Variants in NSUN2 observed in about 807,000 individuals in gnomAD.
The protein encoded by NSUN2 is NOP2/Sun RNA methyltransferase 2, also known as RNA cytosine C(5)-methyltransferase NSUN2.
In NSUN2, 63 loss-of-function variants were observed where a neutral mutation model predicts 92.7. That is an observed-to-expected ratio of 0.68 (90% CI 0.56 to 0.84). NSUN2 has a LOEUF of 0.84. NSUN2 is among the 40% of genes least tolerant of loss of function. The pLI is 0.00. For synonymous variants in NSUN2, 356 were observed against 348.3 expected, an observed-to-expected ratio of 1.02 and a Z score of -0.25; for missense variants, 989 against 964.9, an observed-to-expected ratio of 1.02 and a Z score of -0.33.
chr5:6,625,532 G>T, intron 4 of NSUN2, 32 bp downstream of exon 4: 1 of 1,522,222 alleles, frequency 6.6e-7, no homozygotes, highest in Non-Finnish European at 9.1e-7. Context: ...ACAGCTTTAA[G>T]GAAACTAGCA....
chr5:6,609,326 A>G (rs1736898776), intron 12 of NSUN2, among the ~76,000 whole-genome samples: 1 of 152,182 alleles, frequency 6.6e-6, no homozygotes, highest in African/African-American at 2.4e-5. Flanking sequence ...CTGCCTTGGA[A>G]AGGAACCAGC....
chr5:6,632,122 C>CAT (rs1208479563), intron 2 of NSUN2, 145 bp from the exon 3 acceptor site: 1 of 648,940 alleles, frequency 1.5e-6, no homozygotes, highest in African/African-American at 1.8e-5. Flanking sequence ...TACTTTTACA[C>CAT]TGTATGCCTT....
At chr5:6,621,166 G>A (rs547267309) in intron 6 of NSUN2, 9 of 152,194 alleles carry the variant, frequency 5.9e-5, no homozygotes, top group South Asian at 2.1e-4. Context: ...AGAAAGGGGC[G>A]TGGTGTCACT....
intron 18 of NSUN2, 146 bp from the exon 19 acceptor site, chr5:6,600,378 T>TA: frequency 1.4e-6 from 1 of 721,454 alleles, no homozygotes; most frequent in Non-Finnish European, 2.2e-6. Flanking sequence ...ACATTTCATC[T>TA]GGATCCGAGG....
chr5:6,622,793 G>C (rs1435949814), intron 5 of NSUN2, among the ~76,000 whole-genome samples: 2 of 148,534 alleles, frequency 1.3e-5, no homozygotes, highest in Non-Finnish European at 3.0e-5. Context: ...GTTGCAGTGA[G>C]CCAAGATCGC....
In NSUN2 at chr5:6,631,898, C is replaced by G; in HGVS notation, c.334G>C (p.Val112Leu). ...CAACTCAGTGGCTGTGGAACTTCAACTTTCTGACCGTCCACCTCCAGGTCC... is the reference window on the plus strand; with the variant it reads ...CAACTCAGTGGCTGTGGAACTTCAAGTTTCTGACCGTCCACCTCCAGGTCC... ...LEDLEVDGQKVEVPQPLSWYP... is the reference protein window; with the variant it reads ...LEDLEVDGQKLEVPQPLSWYP... The change falls in exon 3 of 19, where the codon GTT becomes CTT. Residue 112 changes from valine to leucine, a missense_variant. Transcript: ENST00000264670. 1.2e-6 allele frequency: 2 copies of G among 1,614,004 alleles called. No homozygotes were observed. The highest frequency in any genetic ancestry group is 1.7e-6 in the Non-Finnish European group (2 of 1,179,868).
intron 18 of NSUN2, among the ~76,000 whole-genome samples, chr5:6,601,850 T>C (rs1013473730): frequency 2.0e-5 from 3 of 152,092 alleles, no homozygotes; most frequent in African/African-American, 7.2e-5. Context: ...GCAGGTGAGA[T>C]CCGAATTCTG....
intron 17 of NSUN2, among the ~76,000 whole-genome samples, chr5:6,603,702 G>GA (rs978101547): frequency 1.6e-4 from 25 of 151,922 alleles, no homozygotes; most frequent in African/African-American, 5.8e-4. Flanking sequence ...AACAAAAAAA[G>GA]AAAAAAACAA....
At position 6,615,510 on chromosome 5, in the gene NSUN2, T is replaced by C. The variant is rs147550818; in HGVS notation, c.1021+1217A>G. 1.9e-3 allele frequency among the ~76,000 whole-genome samples: 284 copies of C among 152,356 alleles called. 1 individual carries two copies. Among genetic ancestry groups the C allele is most frequent in the African/African-American group, 6.4e-3 (267 of 41,574 alleles). On this transcript the variant is annotated intron_variant, in intron 9 of 18. Transcript: ENST00000264670. The stretch of plus-strand genomic sequence containing the variant: ...AGTATCACCAACACCATGGCAATTA[T>C]GACCATGCAAGAAAACATCACCCAG...
chr5:6,630,812 T>G (rs910841822), intron 3 of NSUN2, among the ~76,000 whole-genome samples: 1 of 152,150 alleles, frequency 6.6e-6, no homozygotes, highest in African/African-American at 2.4e-5. Context: ...ACGCTTAATT[T>G]GGCAGGGCGC....
intron 14 of NSUN2, among the ~76,000 whole-genome samples, chr5:6,606,507 A>G (rs536527133): frequency 1.3e-4 from 20 of 151,978 alleles, no homozygotes; most frequent in Non-Finnish European, 2.4e-4. Context: ...GGATGGTCTC[A>G]ATCTCCTGAC....
intron 1 of NSUN2, 23 bp from the exon 2 acceptor site, chr5:6,632,779 A>AC (rs1737986468): frequency 1.2e-6 from 2 of 1,608,120 alleles, no homozygotes; most frequent in Admixed American, 3.4e-5. Flanking sequence ...AGAGACGTCT[A>AC]CCCCGAGGCC....
Position 6,603,110 on chromosome 5 carries a change from G to C in NSUN2, c.1958-610C>G, listed in dbSNP as rs145859367. Among the ~76,000 whole-genome samples, 1,414 of 152,242 alleles carry C rather than the reference G, an allele frequency of 9.3e-3. 19 individuals are homozygous for C. The highest frequency in any genetic ancestry group is 0.032 in the African/African-American group (1,331 of 41,534). ...TGATTCACGTACTTTTGATCAAATT[G>C]AGCCAAAAATATTAAACAGCAAGTT... On this transcript the variant is annotated intron_variant, in intron 17 of 18. Transcript: ENST00000264670.
In NSUN2 at chr5:6,602,454, G is replaced by A. The variant is rs1736596841; in HGVS notation, c.1997+7C>T. 14 of 1,613,470 alleles carry A rather than the reference G, an allele frequency of 8.7e-6. No individual in the cohort carries two copies. Among genetic ancestry groups the A allele is most frequent in the Non-Finnish European group, 1.2e-5 (14 of 1,179,746 alleles). On this transcript the variant is annotated splice_region_variant and intron_variant, in intron 18 of 18. Transcript: ENST00000264670. ...TGTGTCTAAGGGCAGGGCGTGTACT[G>A]ACTTACGCAGAATCTGGTTCATACT...
At chr5:6,612,486 T>A (rs950121758) in intron 9 of NSUN2, among the ~76,000 whole-genome samples, 1 of 152,074 alleles carries the variant, frequency 6.6e-6, no homozygotes, top group Admixed American at 6.6e-5. Context: ...TCCATACCAG[T>A]GACACAATAA....
Position 6,632,940 on chromosome 5 carries a change from G to A in NSUN2, c.40C>T (p.Gln14Ter). The change falls in exon 1 of 19, where the codon CAG (glutamine) becomes TAG (stop). Residue 14 changes from glutamine to a stop codon, truncating the protein, a stop_gained. Transcript: ENST00000264670. LOFTEE classifies it high-confidence loss of function. The stretch of plus-strand genomic sequence containing the variant: ...CCATCCTCCGCGTCCTCCGGCCGCT[G>A]CTGTTGCTGGAGCCGCCGACCCCGC... ...RSRGRRLQQQQRPEDAEDGAE... is the reference protein window; with the variant it reads ...RSRGRRLQQQ 1 of 1,507,502 alleles carries A rather than the reference G, an allele frequency of 6.6e-7. No homozygotes were observed. Among genetic ancestry groups the A allele is most frequent in the African/African-American group, 1.4e-5 (1 of 69,706 alleles). The allele number at this position is 1,507,502 out of a possible 1,614,324, so 93.4% of individuals were successfully genotyped here.
chr5:6,623,430 C>G, intron 4 of NSUN2, 145 bp from the exon 5 acceptor site: 1 of 652,700 alleles, frequency 1.5e-6, no homozygotes, highest in East Asian at 2.8e-5. Context: ...TCACACAGAA[C>G]ACTAAATGAG....
At position 6,599,441 on chromosome 5, in the gene NSUN2, A is replaced by T. The variant is rs927947746; in HGVS notation, c.*485T>A. The stretch of plus-strand genomic sequence containing the variant: ...AAAGTCATCTGAGGCCTCAGATATT[A>T]ACCCCACTGCATGTTAATGACACAC... On this transcript the variant is annotated 3_prime_UTR_variant, in exon 19 of 19. Transcript: ENST00000264670. 1 of 153,248 alleles carries T rather than the reference A, an allele frequency of 6.5e-6. No individual in the cohort carries two copies. The highest frequency in any genetic ancestry group is 6.5e-5 in the Admixed American group (1 of 15,346). The allele number at this position is 153,248 out of a possible 1,614,324, so 9.5% of individuals were successfully genotyped here.
chr5:6,602,513 CA>C lies in NSUN2; in HGVS notation c.1958-14del, dbSNP rs1387332351. 1 of 1,614,214 alleles carries C rather than the reference CA, an allele frequency of 6.2e-7. No individual in the cohort carries two copies. The highest frequency in any genetic ancestry group is 1.3e-5 in the African/African-American group (1 of 75,064). On this transcript the variant is annotated splice_polypyrimidine_tract_variant and intron_variant, in intron 17 of 18. Transcript: ENST00000264670. ...ATGCTTCCCTTTGCTGGAAAAGAAA[CA>C]GACACACATTTGCCAGGTTTTCCAG...
Sources: allele counts gnomAD v4.1 joint callset (sites outside exome capture counted in the v4.1 genomes callset), GRCh38; gene constraint gnomAD v4.1.1; transcripts MANE v1.5; gene names NCBI Gene and HGNC (gene_info 2026-07-23, HGNC 2026-07-21).